Variants in CSGALNACT1 observed in about 807,000 individuals in gnomAD.
The protein encoded by CSGALNACT1 is beta4GalNAcT-1.
A neutral mutation model predicts 51.0 loss-of-function variants in CSGALNACT1; 52 were observed. That is an observed-to-expected ratio of 1.02 (90% CI 0.82 to 1.29). The LOEUF (loss-of-function observed/expected upper bound fraction) is 1.29. CSGALNACT1 is among the 50% of genes most tolerant of loss of function. CSGALNACT1 has a pLI of 0.00. For missense variants in CSGALNACT1, 935 were observed against 679.2 expected, an observed-to-expected ratio of 1.38 and a Z score of -4.19; for synonymous variants, 341 against 254.4, an observed-to-expected ratio of 1.34 and a Z score of -3.24.
chr8:19,604,505 T>C (rs960485134), upstream of CSGALNACT1, among the ~76,000 whole-genome samples: 4 of 152,164 alleles, frequency 2.6e-5, no homozygotes, highest in African/African-American at 7.2e-5. Context: ...TCAGGATCTT[T>C]CTAACTTTCA....
At chr8:19,482,509 C>T (rs1361519707) in intron 4 of CSGALNACT1, among the ~76,000 whole-genome samples, 3 of 152,126 alleles carry the variant, frequency 2.0e-5, no homozygotes, top group East Asian at 3.9e-4. Flanking sequence ...ATTCTTATCT[C>T]GTACTGCCTT....
At position 19,433,036 on chromosome 8, in the gene CSGALNACT1, T is replaced by C. The variant is rs1455069026; in HGVS notation, c.953+6794A>G. 3.3e-5 allele frequency among the ~76,000 whole-genome samples: 5 copies of C among 152,276 alleles called. No homozygotes were observed. The East Asian group carries it at 7.7e-4, about 23-fold the overall frequency. On this transcript the variant is annotated intron_variant, in intron 6 of 9. Transcript: ENST00000454498. ...TAAAAATTGAACATTTAAAAAAATG[T>C]ATTATGGTAAGCCTAGAAAGTAGAA...
At chr8:19,666,192 T>C (rs2059160158) in intron 1 of CSGALNACT1, among the ~76,000 whole-genome samples, 1 of 152,206 alleles carries the variant, frequency 6.6e-6, no homozygotes, top group African/African-American at 2.4e-5. Flanking sequence ...GAACAAGGTA[T>C]TCTAACAGTG....
intron 8 of CSGALNACT1, among the ~76,000 whole-genome samples, chr8:19,415,817 C>A (rs958122543): frequency 9.9e-5 from 15 of 152,168 alleles, no homozygotes; most frequent in Non-Finnish European, 1.3e-4. Flanking sequence ...CCCTTTCAAT[C>A]CAATTAGAAG....
At chr8:19,406,145 C>G (rs1199986610) in intron 9 of CSGALNACT1, 76 bp from the exon 9 acceptor site, 2 of 1,547,284 alleles carry the variant, frequency 1.3e-6, no homozygotes, top group East Asian at 2.2e-5. Flanking sequence ...CAAGCACAAA[C>G]TTTTCATTAA....
chr8:19,698,023 G>C (rs2061668580), intron 1 of CSGALNACT1, among the ~76,000 whole-genome samples: 1 of 152,138 alleles, frequency 6.6e-6, no homozygotes, highest in Non-Finnish European at 1.5e-5. Context: ...CAATTAGAAA[G>C]TCATGGTGAG....
chr8:19,604,773 C>T (rs1272229966), upstream of CSGALNACT1, among the ~76,000 whole-genome samples: 3 of 150,752 alleles, frequency 2.0e-5, no homozygotes, highest in East Asian at 3.9e-4. Context: ...AAATTAGCCG[C>T]GCACGATGGC....
rs559790524 is a variant in CSGALNACT1, at chr8:19,472,013, A to G, written c.635-13371T>C. On this transcript the variant is annotated intron_variant, in intron 4 of 9. Coordinates refer to ENST00000454498, the Ensembl canonical transcript of CSGALNACT1. ...AGAACTGTGGGTTTCTAATGAAGAA[A>G]TGGCAGATCCATCTATTCCCATCAT... 7.9e-5 allele frequency among the ~76,000 whole-genome samples: 12 copies of G among 152,322 alleles called. No individual in the cohort carries two copies. In the South Asian group the frequency reaches 2.5e-3, roughly 32 times the overall value.
At chr8:19,670,697 A>G (rs980729149) in intron 1 of CSGALNACT1, among the ~76,000 whole-genome samples, 5 of 150,996 alleles carry the variant, frequency 3.3e-5, no homozygotes, top group Admixed American at 3.3e-4. Context: ...CCTTCTCTCA[A>G]GCAGCTTGTC....
At chr8:19,458,033 A>T (rs747783853) in intron 5 of CSGALNACT1, among the ~76,000 whole-genome samples, 3 of 152,224 alleles carry the variant, frequency 2.0e-5, no homozygotes, top group South Asian at 2.1e-4. Flanking sequence ...CCAACTGTCA[A>T]CGTGGGCTCT....
intron 1 of CSGALNACT1, among the ~76,000 whole-genome samples, chr8:19,628,318 C>A (rs1253937913): frequency 6.6e-6 from 1 of 152,134 alleles, no homozygotes; most frequent in Non-Finnish European, 1.5e-5. Context: ...GTGGCAGGAG[C>A]GAGAAGGCTC....
intron 1 of CSGALNACT1, among the ~76,000 whole-genome samples, chr8:19,643,670 A>T (rs1304051924): frequency 3.3e-5 from 5 of 152,160 alleles, no homozygotes; most frequent in Non-Finnish European, 7.3e-5. Context: ...AAGTTTCTTT[A>T]AAGTAGTGAA....
chr8:19,555,524 A>G (rs1033387402), intron 3 of CSGALNACT1, among the ~76,000 whole-genome samples: 4 of 152,188 alleles, frequency 2.6e-5, no homozygotes, highest in African/African-American at 4.8e-5. Context: ...AGCATATCCA[A>G]TACACTGAAG....
chr8:19,740,648 T>A (rs2064256702), intron 1 of CSGALNACT1, among the ~76,000 whole-genome samples: 1 of 152,162 alleles, frequency 6.6e-6, no homozygotes, highest in Admixed American at 6.5e-5. Flanking sequence ...ATTTTCCCAT[T>A]CAACAGCCTG....
At chr8:19,498,442 C>T (rs2075849918) in intron 4 of CSGALNACT1, among the ~76,000 whole-genome samples, 1 of 152,218 alleles carries the variant, frequency 6.6e-6, no homozygotes, top group African/African-American at 2.4e-5. Flanking sequence ...CACTGCCTGC[C>T]ATACTAATGG....
chr8:19,585,607 C>T (rs1400003663), intron 3 of CSGALNACT1, among the ~76,000 whole-genome samples: 1 of 152,120 alleles, frequency 6.6e-6, no homozygotes, highest in African/African-American at 2.4e-5. Context: ...CCTATTAATT[C>T]CCTGATTGGT....
At chr8:19,701,179 A>G (rs1029636111) in intron 1 of CSGALNACT1, among the ~76,000 whole-genome samples, 2 of 34,780 alleles carry the variant, frequency 5.8e-5, no homozygotes, top group Admixed American at 3.5e-4. Context: ...TTTTTGATAC[A>G]GAGTCTCACT....
chr8:19,513,653 A>C (rs909167032), intron 3 of CSGALNACT1, among the ~76,000 whole-genome samples: 1 of 151,942 alleles, frequency 6.6e-6, no homozygotes, highest in Non-Finnish European at 1.5e-5. Flanking sequence ...TGTTGTGTGA[A>C]GATCATGGAG....
intron 6 of CSGALNACT1, among the ~76,000 whole-genome samples, chr8:19,436,698 G>A (rs2153741556): frequency 6.6e-6 from 1 of 152,222 alleles, no homozygotes; most frequent in South Asian, 2.1e-4. Context: ...CTCAAGGCCA[G>A]GGGTTTGAAA....
Sources: gnomAD v4.1 joint callset for allele counts (sites outside exome capture counted in the v4.1 genomes callset) on GRCh38, gnomAD v4.1.1 for gene constraint, MANE v1.5 for transcripts, NCBI Gene and HGNC (gene_info 2026-07-23, HGNC 2026-07-21) for gene names.